Variants in DLG2 observed in about 807,000 individuals in gnomAD.
DLG2 encodes the protein disks large homolog 2.
In DLG2, 45 loss-of-function variants were observed where a neutral mutation model predicts 132.5. That is an observed-to-expected ratio of 0.34 (90% CI 0.27 to 0.44). The LOEUF (loss-of-function observed/expected upper bound fraction) is 0.44, where lower values mean the gene tolerates loss of function less well. DLG2 is among the 20% of genes least tolerant of loss of function. The pLI, the probability that DLG2 is intolerant of heterozygous loss-of-function variation, is 1.00. For synonymous variants in DLG2, 424 were observed against 419.6 expected (o/e 1.01, Z -0.13); for missense variants, 1,045 against 1,196.9 (o/e 0.87, Z 1.87).
intron 7 of DLG2, among the ~76,000 whole-genome samples, chr11:84,373,249 C>CAGAAAAAAA (rs2098713411): frequency 2.4e-5 from 1 of 41,664 alleles, no homozygotes; most frequent in African/African-American, 1.3e-4. Context: ...AAGAAACAGT[C>CAGAAAAAAA]AAAAAAAAAA....
chr11:83,607,457 C>T (rs899989103), intron 19 of DLG2, among the ~76,000 whole-genome samples: 1 of 152,176 alleles, frequency 6.6e-6, no homozygotes. Context: ...CCACTGTCCC[C>T]GCTGTTCTCT....
At chr11:84,455,388 C>T (rs1243730817) in intron 7 of DLG2, among the ~76,000 whole-genome samples, 3 of 151,446 alleles carry the variant, frequency 2.0e-5, no homozygotes, top group Admixed American at 6.6e-5. Flanking sequence ...TAGAAAAAGA[C>T]TTAAGCAGTG....
intron 19 of DLG2, among the ~76,000 whole-genome samples, chr11:83,600,778 A>T (rs1219347510): frequency 6.6e-6 from 1 of 152,226 alleles, no homozygotes; most frequent in Non-Finnish European, 1.5e-5. Context: ...GAGGAAGGGT[A>T]TTAGTTTAGT....
Position 84,677,245 on chromosome 11 carries a change from C to T in DLG2, c.358-142514G>A, listed in dbSNP as rs563573906. Among the ~76,000 whole-genome samples the T allele has an allele frequency of 3.3e-5, 5 of 152,044 alleles. No homozygotes were observed. The South Asian group carries it at 6.2e-4, about 19-fold the overall frequency. ...TCCTTTTGATTCGTATCAGTCATTCCGGGCATCCCCAAGATAAGTGCATTT... is the reference window on the plus strand; with the variant it reads ...TCCTTTTGATTCGTATCAGTCATTCTGGGCATCCCCAAGATAAGTGCATTT... On this transcript the variant is annotated intron_variant, in intron 6 of 27. Transcript: ENST00000376104.
At chr11:84,783,621 T>A (rs1043454716) in intron 6 of DLG2, among the ~76,000 whole-genome samples, 1 of 152,124 alleles carries the variant, frequency 6.6e-6, no homozygotes, top group South Asian at 2.1e-4. Flanking sequence ...ATAGCTTTAG[T>A]AGAGATGTTT....
intron 3 of DLG2, among the ~76,000 whole-genome samples, chr11:85,578,644 T>G (rs769638446): frequency 7.9e-5 from 12 of 152,196 alleles, no homozygotes; most frequent in Non-Finnish European, 1.3e-4. Context: ...TCAATGTCAC[T>G]GATCATTAGA....
intron 3 of DLG2, among the ~76,000 whole-genome samples, chr11:85,488,403 A>G (rs1191752685): frequency 1.3e-5 from 2 of 151,842 alleles, no homozygotes; most frequent in African/African-American, 2.4e-5. Flanking sequence ...AAAAAAAACA[A>G]CAACAACAAC....
At chr11:84,444,884 C>G (rs2099028609) in intron 7 of DLG2, among the ~76,000 whole-genome samples, 2 of 151,752 alleles carry the variant, frequency 1.3e-5, no homozygotes, top group South Asian at 2.1e-4. Flanking sequence ...CTCACTGCAA[C>G]CTCCGCTTCC....
At chr11:85,461,262 G>A (rs969638672) in intron 3 of DLG2, among the ~76,000 whole-genome samples, 4 of 152,082 alleles carry the variant, frequency 2.6e-5, no homozygotes, top group African/African-American at 4.8e-5. Context: ...TCAGCCTTAA[G>A]TTTATTATAT....
chr11:83,837,723 C>CAAAAA (rs386374350), intron 16 of DLG2, among the ~76,000 whole-genome samples: 81 of 45,918 alleles, frequency 1.8e-3, no homozygotes, highest in Admixed American at 3.0e-3. Flanking sequence ...ACATAGCAAG[C>CAAAAA]AAAAAAAAAA....
In DLG2 at chr11:84,515,348, TTAAG is replaced by T. The variant is rs577456147; in HGVS notation, c.519+19218_519+19221del. ...TATATGCAGCCTACGAAACCCCACT[TTAAG>T]TAATTGTAAGAACACACATAGACTA... On this transcript the variant is annotated intron_variant, in intron 7 of 27. Coordinates refer to ENST00000376104, the MANE Select transcript of DLG2 (RefSeq NM_001142699.3). Among the ~76,000 whole-genome samples the T allele has an allele frequency of 1.5e-3, 225 of 149,684 alleles. 1 individual carries two copies. The highest frequency in any genetic ancestry group is 3.4e-3 in the Middle Eastern group (1 of 292).
Position 84,479,235 on chromosome 11 carries a change from G to C in DLG2, c.519+55335C>G, listed in dbSNP as rs559589377. Among the ~76,000 whole-genome samples, 5 of 152,020 alleles carry C rather than the reference G, an allele frequency of 3.3e-5. No homozygotes were observed. The East Asian group carries it at 9.7e-4, about 29-fold the overall frequency. On this transcript the variant is annotated intron_variant, in intron 7 of 27. Coordinates refer to ENST00000376104, the MANE Select transcript of DLG2 (RefSeq NM_001142699.3). Reference sequence around the variant, plus strand: ...TCTTGGAAATAATTCTTTCATTTTTGCAGTAATTTGTTTCACTACCAGTAA... The same window carrying C: ...TCTTGGAAATAATTCTTTCATTTTTCCAGTAATTTGTTTCACTACCAGTAA...
rs112463085 is a variant in DLG2 at position 84,918,135 on chromosome 11, C to A, written c.357+193526G>T. On this transcript the variant is annotated intron_variant, in intron 6 of 27. Transcript: ENST00000376104. ...TTTCCCTTTCAATTAGTCCACTGAT[C>A]ATTTTTTGAATTCCTAAATATAAAT... Among the ~76,000 whole-genome samples the A allele has an allele frequency of 5.4e-3, 824 of 152,196 alleles. 5 individuals carry two copies. The highest frequency in any genetic ancestry group is 0.014 in the Middle Eastern group (4 of 294).
intron 12 of DLG2, among the ~76,000 whole-genome samples, chr11:83,971,085 T>C (rs1388096655): frequency 6.6e-6 from 1 of 152,226 alleles, no homozygotes; most frequent in Non-Finnish European, 1.5e-5. Context: ...ACTGATTGGC[T>C]AGTTGCTCTT....
intron 3 of DLG2, among the ~76,000 whole-genome samples, chr11:85,468,509 G>T (rs1016105510): frequency 7.2e-5 from 11 of 152,114 alleles, no homozygotes; most frequent in Non-Finnish European, 1.5e-4. Context: ...CCGGTATATT[G>T]AGTCTTTGTT....
At chr11:85,475,707 T>A (rs1165725243) in intron 3 of DLG2, among the ~76,000 whole-genome samples, 1 of 152,156 alleles carries the variant, frequency 6.6e-6, no homozygotes, top group Non-Finnish European at 1.5e-5. Context: ...GATGTATTTT[T>A]ATTTTCATTT....
chr11:85,536,764 T>C (rs1374683194), intron 3 of DLG2, among the ~76,000 whole-genome samples: 1 of 152,248 alleles, frequency 6.6e-6, no homozygotes, highest in Non-Finnish European at 1.5e-5. Context: ...ATCCCATGCA[T>C]GGACCGCCAT....
chr11:85,607,221 G>A (rs2080631099), intron 2 of DLG2, among the ~76,000 whole-genome samples: 1 of 152,162 alleles, frequency 6.6e-6, no homozygotes, highest in Non-Finnish European at 1.5e-5. Context: ...TAAAGACACG[G>A]GTGTCAGGCT....
intron 17 of DLG2, among the ~76,000 whole-genome samples, chr11:83,802,838 G>T (rs2044830775): frequency 6.6e-6 from 1 of 152,108 alleles, no homozygotes; most frequent in Non-Finnish European, 1.5e-5. Flanking sequence ...TGCCTGCAAG[G>T]TTACACAGTG....
Sources: allele counts gnomAD v4.1 joint callset (sites outside exome capture counted in the v4.1 genomes callset), GRCh38; gene constraint gnomAD v4.1.1; transcripts MANE v1.5; gene names NCBI Gene and HGNC (gene_info 2026-07-23, HGNC 2026-07-21).